WDR72: variants seen among roughly 807,000 people sequenced by gnomAD.
The protein encoded by WDR72 is WD repeat domain 72.
Under a neutral mutation model 124.2 loss-of-function variants are expected in WDR72, and 120 were observed. The observed-to-expected ratio is 0.97, with a 90% confidence interval of 0.83 to 1.12. The LOEUF (loss-of-function observed/expected upper bound fraction) is 1.12. Ranked by LOEUF, WDR72 falls within the 50% of genes most tolerant of loss-of-function variation. The pLI, the probability that WDR72 is intolerant of heterozygous loss-of-function variation, is 0.00. For missense variants in WDR72, 1,387 were observed against 1,278.8 expected (o/e 1.08, Z -1.29); for synonymous variants, 452 against 441.7 (o/e 1.02, Z -0.29).
At chr15:53,535,303 T>C (rs1686980141) in intron 18 of WDR72, among the ~76,000 whole-genome samples, 1 of 152,172 alleles carries the variant, frequency 6.6e-6, no homozygotes, top group Non-Finnish European at 1.5e-5. Context: ...CCTCATTGTA[T>C]TGCCATGGAA....
chr15:53,606,035 T>TG (rs2013267006), intron 17 of WDR72, among the ~76,000 whole-genome samples: 1 of 152,124 alleles, frequency 6.6e-6, no homozygotes, highest in Non-Finnish European at 1.5e-5. Flanking sequence ...AAGAGAACCT[T>TG]GAAGTCTGGA....
At chr15:53,567,020 G>A (rs1180767000) in intron 18 of WDR72, among the ~76,000 whole-genome samples, 2 of 151,828 alleles carry the variant, frequency 1.3e-5, no homozygotes, top group South Asian at 2.1e-4. Context: ...AAAGGCAACC[G>A]TTGCAGTCCC....
At chr15:53,715,106 AT>A in intron 5 of WDR72, 86 bp downstream of exon 5, 1 of 1,444,768 alleles carries the variant, frequency 6.9e-7, no homozygotes, top group Non-Finnish European at 9.6e-7. Flanking sequence ...TTCTTTCTGA[AT>A]TTCTGCCCAA....
chr15:53,514,181 A>G lies in WDR72; in HGVS notation c.*3518T>C, dbSNP rs1891317042. The G allele has an allele frequency of 6.6e-6, 1 of 152,242 alleles. No homozygotes were observed. Among genetic ancestry groups the G allele is most frequent in the Non-Finnish European group, 1.5e-5 (1 of 68,048 alleles). The allele number at this position is 152,242 out of a possible 1,614,324, so 9.4% of individuals were successfully genotyped here. On this transcript the variant is annotated 3_prime_UTR_variant, in exon 20 of 20. Transcript: ENST00000360509. ...GTATTATGCAAATGTTTACAAAGCA[A>G]TGACTTTCTTAGGAAATTAAACACA...
chr15:53,644,944 G>A (rs1021197660), intron 14 of WDR72, among the ~76,000 whole-genome samples: 1 of 152,068 alleles, frequency 6.6e-6, no homozygotes, highest in African/African-American at 2.4e-5. Context: ...TCAGCTAAGT[G>A]TTAGAGTACC....
intron 14 of WDR72, among the ~76,000 whole-genome samples, chr15:53,659,636 A>G (rs2015543525): frequency 6.6e-6 from 1 of 152,150 alleles, no homozygotes; most frequent in Admixed American, 6.6e-5. Context: ...GTAATATTTT[A>G]AAAACAAAAA....
chr15:53,656,354 GTTA>G (rs2015420655), intron 14 of WDR72, among the ~76,000 whole-genome samples: 1 of 152,140 alleles, frequency 6.6e-6, no homozygotes, highest in Admixed American at 6.5e-5. Flanking sequence ...GGGCAAGAAC[GTTA>G]GCTGGATGTA....
intron 18 of WDR72, among the ~76,000 whole-genome samples, chr15:53,558,553 G>A (rs556924070): frequency 6.6e-6 from 1 of 152,068 alleles, no homozygotes; most frequent in East Asian, 1.9e-4. Context: ...GAGAAGCAAA[G>A]ATTATTTGAT....
intron 14 of WDR72, among the ~76,000 whole-genome samples, chr15:53,656,537 A>G (rs1340859488): frequency 5.3e-5 from 8 of 152,168 alleles, no homozygotes; most frequent in Non-Finnish European, 2.9e-5. Context: ...CAGTTTCAAC[A>G]TAAGTCATTG....
At chr15:53,536,863 G>C (rs1892790244) in intron 18 of WDR72, among the ~76,000 whole-genome samples, 1 of 152,178 alleles carries the variant, frequency 6.6e-6, no homozygotes, top group Admixed American at 6.5e-5. Flanking sequence ...TTTTGCATGA[G>C]CCTTGACATG....
chr15:53,750,313 A>G (rs138266931), intron 1 of WDR72, among the ~76,000 whole-genome samples: 9 of 152,254 alleles, frequency 5.9e-5, no homozygotes, highest in African/African-American at 1.9e-4. Context: ...TGGAACCAGA[A>G]AGCCTGGATG....
At chr15:53,706,719 C>T (rs894899098) in intron 9 of WDR72, among the ~76,000 whole-genome samples, 5 of 151,826 alleles carry the variant, frequency 3.3e-5, no homozygotes, top group Admixed American at 1.3e-4. Context: ...ATGTTTTCTA[C>T]ATTTTGTTGA....
intron 17 of WDR72, among the ~76,000 whole-genome samples, chr15:53,606,867 T>TG (rs970014233): frequency 6.6e-6 from 1 of 152,116 alleles, no homozygotes; most frequent in African/African-American, 2.4e-5. Context: ...GTGGTCAGGC[T>TG]GGGGAAAAAA....
chr15:53,750,522 T>C (rs1214226292), intron 1 of WDR72, among the ~76,000 whole-genome samples: 2 of 152,340 alleles, frequency 1.3e-5, no homozygotes, highest in East Asian at 3.9e-4. Context: ...CTACAGCCCA[T>C]GGACCAAACA....
chr15:53,546,285 C>G (rs1332705968), intron 18 of WDR72, among the ~76,000 whole-genome samples: 1 of 152,074 alleles, frequency 6.6e-6, no homozygotes, highest in Admixed American at 6.5e-5. Flanking sequence ...CAGTGATAGA[C>G]TGGATTAAGA....
At chr15:53,705,388 T>G (rs1202598406) in intron 10 of WDR72, among the ~76,000 whole-genome samples, 155 bp from the exon 11 acceptor site, 1 of 152,204 alleles carries the variant, frequency 6.6e-6, no homozygotes, top group African/African-American at 2.4e-5. Flanking sequence ...GAAGTTCAAT[T>G]GATGTTAACA....
chr15:53,739,763 C>T (rs991962530), intron 1 of WDR72, among the ~76,000 whole-genome samples: 2 of 152,102 alleles, frequency 1.3e-5, no homozygotes, highest in Admixed American at 6.5e-5. Context: ...TCATTCTTGG[C>T]TTGGCTAACG....
intron 18 of WDR72, among the ~76,000 whole-genome samples, chr15:53,533,049 G>A (rs1015844448): frequency 2.0e-5 from 3 of 152,098 alleles, no homozygotes; most frequent in Admixed American, 6.5e-5. Context: ...CTAACAGAAG[G>A]CTGGTGCTTT....
In WDR72 at chr15:53,547,966, G is replaced by A. The variant is rs1893557253; in HGVS notation, c.3149-24644C>T. 2.0e-5 allele frequency among the ~76,000 whole-genome samples: 3 copies of A among 152,200 alleles called. No individual in the cohort carries two copies. The South Asian group carries it at 6.2e-4, about 31-fold the overall frequency. ...AGAAAAGAAAAGAAAAAAAAGAAATGTTGCTGATCTCCAAAGGTTGATGAC... is the reference window on the plus strand; with the variant it reads ...AGAAAAGAAAAGAAAAAAAAGAAATATTGCTGATCTCCAAAGGTTGATGAC... On this transcript the variant is annotated intron_variant, in intron 18 of 19. Coordinates refer to ENST00000360509, the MANE Select transcript of WDR72 (RefSeq NM_182758.4).
Sources: allele counts gnomAD v4.1 joint callset (sites outside exome capture counted in the v4.1 genomes callset), GRCh38; gene constraint gnomAD v4.1.1; transcripts MANE v1.5; gene names NCBI Gene and HGNC (gene_info 2026-07-23, HGNC 2026-07-21).